The following IKZF4 variants were observed in gnomAD, a reference collection of about 807,000 sequenced individuals.
The protein encoded by IKZF4 is IKAROS family zinc finger 4, also known as zinc finger protein Eos.
In IKZF4, 11 loss-of-function variants were observed where a neutral mutation model predicts 47.7. The observed-to-expected ratio is 0.23, with a 90% CI of 0.15 to 0.38. The LOEUF (loss-of-function observed/expected upper bound fraction) is 0.38. Among genes scored for constraint, IKZF4 ranks in the 10% least tolerant of loss-of-function variants. IKZF4 has a pLI of 1.00. For missense variants in IKZF4, 557 were observed against 784.9 expected (o/e 0.71, Z 3.47); for synonymous variants, 298 against 299.4 (o/e 1.00, Z 0.05).
At chr12:56,022,799 T>TTC (rs1893253887) in intron 1 of IKZF4, among the ~76,000 whole-genome samples, 1 of 143,824 alleles carries the variant, frequency 7.0e-6, no homozygotes, top group South Asian at 2.2e-4. Context: ...CAGTGTTTCT[T>TTC]TTTTTTTTTT....
intron 1 of IKZF4, 44 bp from the exon 2 acceptor site, chr12:56,023,627 G>T: frequency 5.6e-6 from 9 of 1,603,960 alleles, no homozygotes; most frequent in Non-Finnish European, 7.7e-6. Flanking sequence ...AATGGGAAAT[G>T]GTCCCAAAGT....
intron 5 of IKZF4, chr12:56,029,717 A>G (rs764571287): frequency 2.6e-5 from 4 of 152,222 alleles, no homozygotes; most frequent in Non-Finnish European, 4.4e-5. Context: ...CCTCATAACA[A>G]TTCCAAGGTA....
rs764295385 is a variant in IKZF4 at position 56,035,226 on chromosome 12, C to T, written c.1653C>T (p.Cys551=). The change falls in exon 8 of 8, where the codon TGC becomes TGT. Residue 551 remains cysteine (C), a synonymous_variant. Transcript: ENST00000547167. The surrounding 1 kb of genome is among the most constrained non-coding windows in gnomAD (Gnocchi z 6.1). ...DHVMFTIHMG[C]HGFRDPFECN... The stretch of plus-strand genomic sequence containing the variant: ...TCATGTTCACTATCCACATGGGCTG[C>T]CATGGCTTCAGAGACCCTTTTGAGT... The T allele has an allele frequency of 1.6e-5, 26 of 1,614,068 alleles. No homozygotes were observed. In the Admixed American group the frequency reaches 4.3e-4, roughly 27 times the overall value.
In IKZF4 at chr12:56,034,808, G is replaced by A. The variant is rs373538495; in HGVS notation, c.1235G>A (p.Arg412Gln). Residue 412 changes from arginine (R) to glutamine (Q), a missense_variant, in exon 8 of 8, where the codon CGA (arginine) becomes CAA (glutamine). This residue lies in a region of IKZF4 where 280 missense variants were observed against 314.0 expected (regional missense o/e 0.89). Coordinates refer to ENST00000547167, the MANE Select transcript of IKZF4 (RefSeq NM_022465.4). ...ACCCAGATGCAGCCCCTCCCTGGTCGACTGGAGCTTCCAGGATCCCGAGAA... is the reference window on the plus strand; with the variant it reads ...ACCCAGATGCAGCCCCTCCCTGGTCAACTGGAGCTTCCAGGATCCCGAGAA... Reference protein sequence around the residue: ...VYTQMQPLPGRLELPGSREAG... With the variant: ...VYTQMQPLPGQLELPGSREAG... 3.2e-5 allele frequency: 52 copies of A among 1,613,874 alleles called. No homozygotes were observed. The highest frequency in any genetic ancestry group is 1.1e-4 in the East Asian group (5 of 44,896).
intron 5 of IKZF4, among the ~76,000 whole-genome samples, chr12:56,031,386 A>G (rs999530419): frequency 8.5e-5 from 13 of 152,212 alleles, no homozygotes; most frequent in African/African-American, 3.1e-4. Flanking sequence ...TTATGTATCA[A>G]TTATCAATTA....
At chr12:56,014,854 GC>G (rs1891815189) in intron 2 of IKZF4, among the ~76,000 whole-genome samples, 1 of 152,180 alleles carries the variant, frequency 6.6e-6, no homozygotes, top group Non-Finnish European at 1.5e-5. Flanking sequence ...GAGTAGCCTG[GC>G]TTTTGAAAGG....
At chr12:56,012,190 T>C (rs1891402882) in intron 2 of IKZF4, among the ~76,000 whole-genome samples, 1 of 152,064 alleles carries the variant, frequency 6.6e-6, no homozygotes. Context: ...CTTGCCATTC[T>C]CTCTACCTTC....
At chr12:56,020,868 C>T (rs776014856), upstream of IKZF4, 61 of 929,118 alleles carry the variant, frequency 6.6e-5, no homozygotes, top group African/African-American at 1.2e-4. Context: ...GGAAAGAGTT[C>T]GGTGGGGGAG....
chr12:56,030,337 G>C (rs1037586443), intron 5 of IKZF4, among the ~76,000 whole-genome samples: 1 of 152,090 alleles, frequency 6.6e-6, no homozygotes, highest in African/African-American at 2.4e-5. Flanking sequence ...GGCTGAGACA[G>C]GGAGGATCAC....
chr12:56,017,922 G>A (rs117396149), upstream of IKZF4, among the ~76,000 whole-genome samples: 3,934 of 152,122 alleles, frequency 0.026, 69 homozygotes, highest in South Asian at 0.063. Context: ...TCCTGGGCTC[G>A]AGTGATCCTC....
In IKZF4 at chr12:56,026,944, G is replaced by A. The variant is rs1894118626; in HGVS notation, c.450G>A (p.Gly150=). The A allele has an allele frequency of 1.2e-6, 2 of 1,611,994 alleles. No individual in the cohort carries two copies. Among genetic ancestry groups the A allele is most frequent in the Non-Finnish European group, 1.7e-6 (2 of 1,179,014 alleles). The part of the protein sequence containing the change: ...DGSGPEPHSP[G]GIRLPNGKLK... ...GTGGGCCAGAGCCTCACTCCCCTGG[G>A]GGCATCCGGCTGCCCAATGGCAAGC... The change falls in exon 4 of 8, where the codon GGG becomes GGA. Residue 150 remains glycine (G), a synonymous_variant. Coordinates refer to ENST00000547167, the MANE Select transcript of IKZF4 (RefSeq NM_022465.4).
At chr12:56,033,405 G>A (rs866101395) in intron 7 of IKZF4, 84 bp downstream of exon 7, 2 of 1,564,764 alleles carry the variant, frequency 1.3e-6, no homozygotes, top group Admixed American at 1.7e-5. Flanking sequence ...ATTCGGTTTG[G>A]GGAAAGAAAG....
chr12:56,036,155 TA>T lies in IKZF4; in HGVS notation c.*825del. The stretch of plus-strand genomic sequence containing the variant: ...CTCTAGTCCCTTCAACCTACCGGTC[TA>T]TTAAGTGGTGGCTTTTCTCTCCTTG... On this transcript the variant is annotated 3_prime_UTR_variant, in exon 8 of 8. Transcript: ENST00000547167. The T allele has an allele frequency of 6.5e-6, 1 of 152,740 alleles. No homozygotes were observed. The highest frequency in any genetic ancestry group is 2.1e-4 in the South Asian group (1 of 4,828). The allele number at this position is 152,740 out of a possible 1,614,324, so 9.5% of individuals were successfully genotyped here. A position where few individuals can be genotyped will look rare whatever the true frequency, so the allele number is the denominator to read the frequency against.
At chr12:56,025,632 C>T (rs2136658656) in intron 3 of IKZF4, among the ~76,000 whole-genome samples, 1 of 152,226 alleles carries the variant, frequency 6.6e-6, no homozygotes, top group South Asian at 2.1e-4. Flanking sequence ...AAAGCCTTCT[C>T]CTCAATGGTT....
At position 56,023,772 on chromosome 12, in the gene IKZF4, T is replaced by C. The variant is rs759666889; in HGVS notation, c.181+8T>C. 6 of 1,612,858 alleles carry C rather than the reference T, an allele frequency of 3.7e-6. No individual in the cohort carries two copies. The highest frequency in any genetic ancestry group is 3.3e-5 in the South Asian group (3 of 90,904). On this transcript the variant is annotated splice_region_variant and intron_variant, in intron 2 of 7. Transcript: ENST00000547167. The stretch of plus-strand genomic sequence containing the variant: ...AATCTTTATTTTGTGAAAGTAAGTA[T>C]GTGCATAGCTGGGCAATTGGGTAAA...
chr12:56,030,565 A>G (rs1467912029), intron 5 of IKZF4, among the ~76,000 whole-genome samples: 1 of 152,150 alleles, frequency 6.6e-6, no homozygotes, highest in African/African-American at 2.4e-5. Context: ...CCCTGTTTCT[A>G]CTAAAAATAC....
In IKZF4 at chr12:56,023,747, A is replaced by C. The variant is rs777016074; in HGVS notation, c.164A>C (p.Glu55Ala). 6.2e-7 allele frequency: 1 copy of C among 1,613,708 alleles called. No individual in the cohort carries two copies. Among genetic ancestry groups the C allele is most frequent in the East Asian group, 2.2e-5 (1 of 44,886 alleles). ...CAAGACTCCAACCATTTTATAATGGAATCTTTATTTTGTGAAAGTAAGTAT... is the reference window on the plus strand; with the variant it reads ...CAAGACTCCAACCATTTTATAATGGCATCTTTATTTTGTGAAAGTAAGTAT... ...QAQDSNHFIM[E>A]SLFCESSGDS... The change falls in exon 2 of 8, where the codon GAA (glutamate) becomes GCA (alanine). Residue 55 changes from glutamate to alanine, a missense_variant. Around this residue, in one of 6 missense-constraint regions of IKZF4, gnomAD observed 112 missense variants for 168.2 expected, o/e 0.67. Coordinates refer to ENST00000547167, the MANE Select transcript of IKZF4 (RefSeq NM_022465.4).
intron 1 of IKZF4, 140 bp downstream of exon 1, chr12:56,021,720 G>A: frequency 2.4e-6 from 3 of 1,227,812 alleles, no homozygotes; most frequent in Non-Finnish European, 3.4e-6. Context: ...GTGTGTGTGT[G>A]TGTGTGTGTG....
intron 7 of IKZF4, among the ~76,000 whole-genome samples, chr12:56,033,672 A>T (rs1163558798): frequency 1.3e-5 from 2 of 151,922 alleles, no homozygotes; most frequent in African/African-American, 2.4e-5. Flanking sequence ...GCGCCACTGC[A>T]CTCCATCCAT....
Sources: allele counts gnomAD v4.1 joint callset (sites outside exome capture counted in the v4.1 genomes callset), GRCh38; gene constraint gnomAD v4.1.1; regional missense constraint gnomAD v4.1.1; non-coding constraint Gnocchi (gnomAD v3.1); transcripts MANE v1.5; gene names NCBI Gene and HGNC (gene_info 2026-07-23, HGNC 2026-07-21).